RMST: variants seen among roughly 807,000 people sequenced by gnomAD.
The protein encoded by RMST is rhabdomyosarcoma 2 associated transcript, also known as long intergenic non-protein coding RNA 54.
chr12:97,481,655 G>A (rs576369814), intron 5 of RMST, among the ~76,000 whole-genome samples: 27 of 152,234 alleles, frequency 1.8e-4, no homozygotes, highest in Admixed American at 9.8e-4. Flanking sequence ...AAGCCTGGCC[G>A]GTGTGCCAGG....
At chr12:97,507,267 TG>T (rs147748506) in intron 10 of RMST, among the ~76,000 whole-genome samples, 10,423 of 128,610 alleles carry the variant, frequency 0.081, 1,005 homozygotes, top group African/African-American at 0.29. Context: ...GTTTTTTTTT[TG>T]TTTTTGTCTT....
At position 97,561,028 on chromosome 12, in the gene RMST, T is replaced by C. The variant is rs1187068663; in HGVS notation, n.1939T>C. 2 of 152,332 alleles carry C rather than the reference T, an allele frequency of 1.3e-5. 1 individual carries two copies. Among genetic ancestry groups the C allele is most frequent in the South Asian group, 4.1e-4 (2 of 4,832 alleles). 9.4% of individuals were successfully genotyped at this position (152,332 alleles called of 1,614,324 possible). On this transcript the variant is annotated non_coding_transcript_exon_variant, in exon 13 of 14. Coordinates refer to ENST00000640149, the Ensembl canonical transcript of RMST. ...ATTCCAGCAAGTGCCAAGGGGCTAG[T>C]TGAGGAATGGCTTCATGAGGTGAAT...
At chr12:97,489,962 T>C (rs1290947337) in intron 5 of RMST, among the ~76,000 whole-genome samples, 1 of 152,218 alleles carries the variant, frequency 6.6e-6, no homozygotes, top group Non-Finnish European at 1.5e-5. Flanking sequence ...GGATTTGACC[T>C]CAGTAGGCCT....
chr12:97,545,712 A>G (rs140316154), intron 11 of RMST, among the ~76,000 whole-genome samples: 80 of 152,188 alleles, frequency 5.3e-4, no homozygotes, highest in Non-Finnish European at 9.4e-4. Flanking sequence ...AGGACTATAA[A>G]ATTTCAAGGG....
At chr12:97,539,714 A>G (rs1240559907) in intron 11 of RMST, among the ~76,000 whole-genome samples, 4 of 151,636 alleles carry the variant, frequency 2.6e-5, no homozygotes, top group African/African-American at 9.7e-5. Context: ...TCTACATTTT[A>G]ACTTTAAAAT....
intron 11 of RMST, among the ~76,000 whole-genome samples, chr12:97,547,459 G>A (rs1359610137): frequency 6.6e-6 from 1 of 151,944 alleles, no homozygotes; most frequent in Non-Finnish European, 1.5e-5. Flanking sequence ...ATATTTTGAG[G>A]AATCTTCATA....
chr12:97,518,316 A>G (rs1479262390), intron 10 of RMST, among the ~76,000 whole-genome samples: 1 of 152,174 alleles, frequency 6.6e-6, no homozygotes, highest in Non-Finnish European at 1.5e-5. Flanking sequence ...GCAAAGATGA[A>G]TATTATTACC....
chr12:97,477,019 G>A (rs1178442323), intron 5 of RMST, among the ~76,000 whole-genome samples: 1 of 152,144 alleles, frequency 6.6e-6, no homozygotes, highest in Non-Finnish European at 1.5e-5. Context: ...ACTGAGGAAA[G>A]GAAGGTGGAA....
rs74727785 is a variant in RMST at position 97,505,434 on chromosome 12, T to C, written n.1340+9378T>C. 9.0e-3 allele frequency among the ~76,000 whole-genome samples: 1,365 copies of C among 152,320 alleles called. 17 individuals are homozygous for C. Among genetic ancestry groups the C allele is most frequent in the African/African-American group, 0.031 (1,290 of 41,586 alleles). ...GGTAGCACACTAGCAGATGCTTGGT[T>C]CTGACAACAAAGACTGAACAGGTTT... On this transcript the variant is annotated intron_variant and non_coding_transcript_variant, in intron 10 of 13. Transcript: ENST00000640149.
chr12:97,546,448 A>G (rs10745801), intron 11 of RMST, among the ~76,000 whole-genome samples: 140,262 of 152,032 alleles, frequency 0.92, 64,892 homozygotes, highest in East Asian at 1. Flanking sequence ...CAGGCATGGT[A>G]GCACACACTT....
At chr12:97,499,624 CT>C (rs1264368879) in intron 10 of RMST, among the ~76,000 whole-genome samples, 8 of 146,742 alleles carry the variant, frequency 5.5e-5, no homozygotes, top group African/African-American at 1.0e-4. Context: ...TCTTCTTTTT[CT>C]TTTTTTTTCT....
intron 11 of RMST, among the ~76,000 whole-genome samples, chr12:97,547,953 TA>T (rs1421479451): frequency 6.6e-6 from 1 of 152,016 alleles, no homozygotes; most frequent in Non-Finnish European, 1.5e-5. Flanking sequence ...GGTCACATTT[TA>T]AAAAAATTTA....
chr12:97,541,630 A>T (rs775693081), intron 11 of RMST, among the ~76,000 whole-genome samples: 2 of 151,482 alleles, frequency 1.3e-5, no homozygotes, highest in African/African-American at 2.4e-5. Flanking sequence ...AGGAACTTAG[A>T]TCTCCCTCAG....
chr12:97,478,612 C>G (rs190849593), intron 5 of RMST, among the ~76,000 whole-genome samples: 3 of 152,192 alleles, frequency 2.0e-5, no homozygotes, highest in Admixed American at 6.5e-5. Flanking sequence ...TTGGCATTCC[C>G]CAATAAATCA....
chr12:97,551,881 A>G (rs946040002), intron 11 of RMST: 7 of 152,182 alleles, frequency 4.6e-5, no homozygotes, highest in South Asian at 2.1e-4. Context: ...ATGGACCAAG[A>G]TAACATTTGA....
intron 10 of RMST, among the ~76,000 whole-genome samples, chr12:97,498,086 G>A (rs1053981346): frequency 1.3e-5 from 2 of 152,020 alleles, no homozygotes; most frequent in Non-Finnish European, 2.9e-5. Flanking sequence ...GGACTCCTTG[G>A]GTCTAGGGGT....
At chr12:97,508,656 CTTT>C (rs1164516777) in intron 10 of RMST, among the ~76,000 whole-genome samples, 2 of 152,098 alleles carry the variant, frequency 1.3e-5, no homozygotes, top group African/African-American at 4.8e-5. Flanking sequence ...CAGGGTGTAA[CTTT>C]TTTGTTGTTG....
At chr12:97,466,535 G>A (rs1873215172) in intron 5 of RMST, among the ~76,000 whole-genome samples, 1 of 151,986 alleles carries the variant, frequency 6.6e-6, no homozygotes, top group Admixed American at 6.6e-5. Context: ...GTTTTGCTTT[G>A]CTGTTATTTC....
At chr12:97,493,350 A>C (rs1429346226) in intron 7 of RMST, 1 of 152,638 alleles carries the variant, frequency 6.6e-6, no homozygotes, top group Non-Finnish European at 1.5e-5. Context: ...ACAGAGGCTA[A>C]GTTTAGACAG....
Sources: gnomAD v4.1 joint callset for allele counts (sites outside exome capture counted in the v4.1 genomes callset) on GRCh38, gnomAD v4.1.1 for gene constraint, MANE v1.5 for transcripts, NCBI Gene and HGNC (gene_info 2026-07-23, HGNC 2026-07-21) for gene names.